The following LPAR6 variants were observed in gnomAD, a reference collection of about 807,000 sequenced individuals.
LPAR6 encodes lysophosphatidic acid receptor 6.
A neutral mutation model predicts 22.0 loss-of-function variants in LPAR6; 17 were observed. That is an observed-to-expected ratio of 0.77 (90% CI 0.53 to 1.16). The LOEUF (loss-of-function observed/expected upper bound fraction) is 1.16. Among genes scored for constraint, LPAR6 ranks in the 50% most tolerant of loss-of-function variants. The probability of loss-of-function intolerance (pLI) is 0.00; values close to 1 mark genes in which losing one functional copy is unlikely to be tolerated. For synonymous variants in LPAR6, 136 were observed against 139.8 expected (o/e 0.97, Z 0.19); for missense variants, 384 against 406.9 (o/e 0.94, Z 0.48).
chr13:48,391,908 C>A (rs1047884535), intron 1 of LPAR6, among the ~76,000 whole-genome samples: 3 of 152,148 alleles, frequency 2.0e-5, no homozygotes, highest in Admixed American at 6.5e-5. Context: ...GCATGAGCCA[C>A]CGCACCCAGC....
At position 48,396,200 on chromosome 13, in the gene LPAR6, G is replaced by A. The variant is rs566287529; in HGVS notation, n.115-6388C>T. Among the ~76,000 whole-genome samples, 3 of 152,174 alleles carry A rather than the reference G, an allele frequency of 2.0e-5. No homozygotes were observed. The East Asian group carries it at 5.8e-4, about 29-fold the overall frequency. ...GCCCATATAGCCGAGACAATCTTAAGCAAAAAGAACAAAGCTGGAGGCATC... is the reference window on the plus strand; with the variant it reads ...GCCCATATAGCCGAGACAATCTTAAACAAAAAGAACAAAGCTGGAGGCATC... On this transcript the variant is annotated intron_variant and non_coding_transcript_variant, in intron 1 of 1. Transcript: ENST00000462781.
chr13:48,400,527 AGTG>A (rs1484653778), intron 1 of LPAR6, among the ~76,000 whole-genome samples: 2 of 152,080 alleles, frequency 1.3e-5, no homozygotes, highest in Non-Finnish European at 2.9e-5. Context: ...TGTGTTTGTG[AGTG>A]TTACTATGCT....
chr13:48,415,334 C>T (rs1217908351), upstream of LPAR6, among the ~76,000 whole-genome samples: 2 of 150,978 alleles, frequency 1.3e-5, no homozygotes, highest in Non-Finnish European at 2.9e-5. Context: ...GGCTGGAGTG[C>T]AGTGGTGCGA....
intron 1 of LPAR6, among the ~76,000 whole-genome samples, chr13:48,444,384 G>T (rs1322467986): frequency 6.6e-6 from 1 of 152,110 alleles, no homozygotes; most frequent in African/African-American, 2.4e-5. Context: ...GGGTGTGGTG[G>T]CATGCCCCTG....
intron 1 of LPAR6, among the ~76,000 whole-genome samples, chr13:48,425,298 A>C (rs1949063829): frequency 6.6e-6 from 1 of 152,222 alleles, no homozygotes; most frequent in Non-Finnish European, 1.5e-5. Context: ...TTTCTCATCC[A>C]AAAACACAGA....
At chr13:48,434,670 T>C (rs1047357701) in intron 1 of LPAR6, among the ~76,000 whole-genome samples, 1 of 152,118 alleles carries the variant, frequency 6.6e-6, no homozygotes, top group African/African-American at 2.4e-5. Flanking sequence ...CTTGACCTGG[T>C]GAAAATGTGT....
At chr13:48,397,470 A>G (rs1593466497) in intron 1 of LPAR6, among the ~76,000 whole-genome samples, 1 of 152,168 alleles carries the variant, frequency 6.6e-6, no homozygotes, top group East Asian at 1.9e-4. Flanking sequence ...ATGGAGGGGA[A>G]CATCACACAC....
intron 1 of LPAR6, chr13:48,401,222 A>G (rs1566206378): frequency 1.3e-5 from 2 of 152,188 alleles, no homozygotes; most frequent in Non-Finnish European, 2.9e-5. Flanking sequence ...ACTCTTATTC[A>G]GAGAATTTTA....
At chr13:48,405,679 A>G (rs1948733617) in intron 1 of LPAR6, among the ~76,000 whole-genome samples, 1 of 152,218 alleles carries the variant, frequency 6.6e-6, no homozygotes. Context: ...AAAGTTTGTC[A>G]ATACCCAATA....
At chr13:48,392,981 A>T (rs147920295) in intron 1 of LPAR6, among the ~76,000 whole-genome samples, 1,900 of 152,138 alleles carry the variant, frequency 0.012, 45 homozygotes, top group African/African-American at 0.039. Context: ...TTGTTTTTGG[A>T]CACAGAGCAG....
At chr13:48,444,269 C>G (rs1193977886) in intron 1 of LPAR6, among the ~76,000 whole-genome samples, 1 of 152,214 alleles carries the variant, frequency 6.6e-6, no homozygotes, top group African/African-American at 2.4e-5. Flanking sequence ...GTAATCCCAG[C>G]ACTTTGGGAG....
At position 48,411,529 on chromosome 13, in the gene LPAR6, G is replaced by T. The variant is rs747234197; in HGVS notation, c.895C>A (p.Gln299Lys). The T allele has an allele frequency of 6.2e-7, 1 of 1,613,374 alleles. No individual in the cohort carries two copies. Among genetic ancestry groups the T allele is most frequent in the South Asian group, 1.1e-5 (1 of 90,984 alleles). The stretch of plus-strand genomic sequence containing the variant: ...CAGTTTTTCATTTTTATTGAATTCT[G>T]AATTGTGTCCGATGTAAAGTAGTAA... ...IVYYFTSDTI[Q>K]NSIKMKNWSV... Residue 299 changes from glutamine to lysine, a missense_variant, in exon 1 of 1, where the codon CAG (glutamine) becomes AAG (lysine). Gln to Lys is a moderately conservative substitution (Grantham distance 53). Transcript: ENST00000620633.
chr13:48,391,895 C>T (rs979792491), intron 1 of LPAR6, among the ~76,000 whole-genome samples: 1 of 152,100 alleles, frequency 6.6e-6, no homozygotes, highest in Non-Finnish European at 1.5e-5. Flanking sequence ...GCTGGGATTA[C>T]TGGCATGAGC....
chr13:48,430,188 A>G (rs1330453571), upstream of LPAR6, among the ~76,000 whole-genome samples: 1 of 152,220 alleles, frequency 6.6e-6, no homozygotes, highest in African/African-American at 2.4e-5. Context: ...CTTTAGTTAT[A>G]AGGAGTCCAG....
At chr13:48,422,510 A>G (rs995376348) in intron 2 of LPAR6, 2 of 152,258 alleles carry the variant, frequency 1.3e-5, no homozygotes, top group African/African-American at 4.8e-5. Context: ...TACTTAAAGT[A>G]TAATACTTTT....
chr13:48,426,387 A>T (rs1233376429), intron 1 of LPAR6, among the ~76,000 whole-genome samples: 1 of 152,212 alleles, frequency 6.6e-6, no homozygotes, highest in African/African-American at 2.4e-5. Flanking sequence ...TGCATTTGGT[A>T]TGCCTTTTTT....
chr13:48,434,393 C>A (rs185636746), intron 1 of LPAR6, among the ~76,000 whole-genome samples: 1 of 152,160 alleles, frequency 6.6e-6, no homozygotes, highest in African/African-American at 2.4e-5. Flanking sequence ...TTCAATATTG[C>A]TCTGTCAGCA....
At chr13:48,395,412 G>T (rs148558699) in intron 1 of LPAR6, among the ~76,000 whole-genome samples, 5 of 152,032 alleles carry the variant, frequency 3.3e-5, no homozygotes, top group African/African-American at 4.8e-5. Context: ...TTCAGAAGGT[G>T]GGTAATAACA....
At chr13:48,430,861 T>C (rs1271413017), upstream of LPAR6, among the ~76,000 whole-genome samples, 1 of 152,140 alleles carries the variant, frequency 6.6e-6, no homozygotes, top group Non-Finnish European at 1.5e-5. Context: ...CCCAGGAGTT[T>C]GGGGCTGCAG....
Sources: allele counts gnomAD v4.1 joint callset (sites outside exome capture counted in the v4.1 genomes callset), GRCh38; gene constraint gnomAD v4.1.1; transcripts MANE v1.5; gene names NCBI Gene and HGNC (gene_info 2026-07-23, HGNC 2026-07-21).